The following PFKFB3 variants were observed in gnomAD, a reference collection of about 807,000 sequenced individuals.
The protein encoded by PFKFB3 is 6-phosphofructo-2-kinase/fructose-2,6-biphosphatase 3.
Under a neutral mutation model 68.0 loss-of-function variants are expected in PFKFB3, and 33 were observed. The ratio of observed to expected loss-of-function variants is 0.49; its 90% CI spans 0.37 to 0.65. The LOEUF (loss-of-function observed/expected upper bound fraction) is 0.65. PFKFB3 is among the 30% of genes least tolerant of loss of function. The pLI, the probability that PFKFB3 is intolerant of heterozygous loss-of-function variation, is 0.00. For missense variants in PFKFB3, 586 were observed against 712.2 expected, an observed-to-expected ratio of 0.82 and a Z score of 2.02; for synonymous variants, 315 against 288.2, an observed-to-expected ratio of 1.09 and a Z score of -0.94.
chr10:6,277,102 G>A, the PFKFB3 span, among the ~76,000 whole-genome samples: 1 of 152,150 alleles, frequency 6.6e-6, no homozygotes, highest in Non-Finnish European at 1.5e-5. Context: ...ATGTGATACA[G>A]TTTGGATCTG....
chr10:6,274,037 T>G, the PFKFB3 span, among the ~76,000 whole-genome samples: 10 of 151,936 alleles, frequency 6.6e-5, no homozygotes, highest in Non-Finnish European at 1.3e-4. Flanking sequence ...GAGACCTGTC[T>G]CTACAAAAAA....
In PFKFB3 at chr10:6,228,091, C is replaced by A; in HGVS notation, c.1515+1726C>A. ...TTCAGGGTGGCCAGGTTCTTAGGGA[C>A]GTCTGAAGCTGCTGGCTGGGCCGGC... On this transcript the variant is annotated intron_variant, in intron 14 of 14. Coordinates refer to ENST00000379775, the MANE Select transcript of PFKFB3 (RefSeq NM_004566.4). The surrounding 1 kb of genome is among the most constrained non-coding windows in gnomAD (Gnocchi z 4.5). The A allele has an allele frequency of 1.6e-6, 2 of 1,236,858 alleles. No individual in the cohort carries two copies. The highest frequency in any genetic ancestry group is 2.4e-6 in the Non-Finnish European group (2 of 843,926). 76.6% of individuals were successfully genotyped at this position (1,236,858 alleles called of 1,614,324 possible).
chr10:6,190,779 A>G (rs1843001746), intron 1 of PFKFB3, among the ~76,000 whole-genome samples: 1 of 152,048 alleles, frequency 6.6e-6, no homozygotes, highest in South Asian at 2.1e-4. Context: ...TCTGTGCCTC[A>G]TGTCTCTATT....
chr10:6,230,183 G>A (rs17152229), intron 14 of PFKFB3, among the ~76,000 whole-genome samples: 2,141 of 152,256 alleles, frequency 0.014, 120 homozygotes, highest in Admixed American at 0.087. Context: ...AAATACATCC[G>A]ATGGACCCAT....
rs1398805165 is a variant in PFKFB3 at position 6,221,685 on chromosome 10, C to T, written c.1023C>T (p.Tyr341=). The change falls in exon 10 of 15, where the codon TAC becomes TAT. Residue 341 remains tyrosine, a synonymous_variant. Coordinates refer to ENST00000379775, the MANE Select transcript of PFKFB3 (RefSeq NM_004566.4). ...CCTACGAGGAGATCAGGGACACCTA[C>T]CCTGAGGAGTATGCGCTGCGGGAGC... The part of the protein sequence containing the change: ...ELTYEEIRDT[Y]PEEYALREQD... The T allele has an allele frequency of 3.1e-6, 5 of 1,610,956 alleles. No homozygotes were observed. Among genetic ancestry groups the T allele is most frequent in the African/African-American group, 1.3e-5 (1 of 75,018 alleles).
At chr10:6,196,264 G>A (rs748722845) in intron 1 of PFKFB3, among the ~76,000 whole-genome samples, 6 of 151,942 alleles carry the variant, frequency 3.9e-5, no homozygotes, top group African/African-American at 9.7e-5. Flanking sequence ...CCAAGTAGCT[G>A]GGACCACAGG....
intron 6 of PFKFB3, among the ~76,000 whole-genome samples, chr10:6,217,966 C>A (rs1844699755): frequency 6.6e-6 from 1 of 152,162 alleles, no homozygotes; most frequent in Non-Finnish European, 1.5e-5. Flanking sequence ...GGATGCTAAG[C>A]ATGTGTTAGC....
downstream of PFKFB3, among the ~76,000 whole-genome samples, chr10:6,238,550 CT>C (rs200320262): frequency 0.095 from 12,743 of 134,560 alleles, 902 homozygotes; most frequent in African/African-American, 0.19. Context: ...AGAACTAAAT[CT>C]TTTTTTTTTT....
chr10:6,162,841 C>A (rs933964864), intron 1 of PFKFB3, among the ~76,000 whole-genome samples: 12 of 152,176 alleles, frequency 7.9e-5, no homozygotes, highest in African/African-American at 2.7e-4. Context: ...CTCCAAGGAT[C>A]CCTGGGTACT....
chr10:6,220,613 T>A lies in PFKFB3; in HGVS notation c.624-45T>A. On this transcript the variant is annotated intron_variant, in intron 7 of 14. Transcript: ENST00000379775. This position sits in a 1 kb window ranked among gnomAD's most constrained non-coding sequence, Gnocchi z 4.1. ...GAGACGGGCCAGGTGCATCCTGCTG[T>A]GGGTGGTGGCCTGAGCTGTGGTTCT... 1 of 1,564,926 alleles carries A rather than the reference T, an allele frequency of 6.4e-7. No individual in the cohort carries two copies. Among genetic ancestry groups the A allele is most frequent in the African/African-American group, 1.4e-5 (1 of 73,904 alleles).
chr10:6,193,916 AG>A (rs1843099182), intron 1 of PFKFB3, among the ~76,000 whole-genome samples: 1 of 152,240 alleles, frequency 6.6e-6, no homozygotes, highest in Non-Finnish European at 1.5e-5. Flanking sequence ...TCATCAGTTA[AG>A]TCGATTTTCA....
the PFKFB3 span, among the ~76,000 whole-genome samples, chr10:6,307,367 ACT>A: frequency 1.5e-5 from 2 of 133,490 alleles, no homozygotes; most frequent in African/African-American, 5.7e-5. Flanking sequence ...ACACACACAC[ACT>A]CACCCTACTG....
upstream of PFKFB3, among the ~76,000 whole-genome samples, chr10:6,199,658 A>ATT (rs143309528): frequency 0.25 from 18,942 of 75,434 alleles, 2,958 homozygotes; most frequent in East Asian, 0.37. Context: ...CTATTTTTAA[A>ATT]TTTTTTTTTT....
At position 6,242,601 on chromosome 10, in the gene PFKFB3, T is replaced by TTTC. The variant is rs199983379; in HGVS notation, c.1516-11575_1516-11574insCTT. On this transcript the variant is annotated intron_variant, in intron 14 of 14. Transcript: ENST00000640683. ...GCAGTGTTCTGTAAACATTTTTTTT[T>TTTC]TTTTGAGACGGAGTCTCGCTCTGTT... 6.7e-3 allele frequency among the ~76,000 whole-genome samples: 1,020 copies of TTTC among 152,222 alleles called. 10 individuals are homozygous for TTTC. Among genetic ancestry groups the TTTC allele is most frequent in the Middle Eastern group, 0.044 (13 of 294 alleles).
upstream of PFKFB3, among the ~76,000 whole-genome samples, chr10:6,199,773 T>G (rs1843275491): frequency 6.9e-6 from 1 of 144,870 alleles, no homozygotes; most frequent in African/African-American, 2.5e-5. Flanking sequence ...AGTGCTGGGA[T>G]TACAGGTGCG....
At chr10:6,307,510 TTTCCTTCCTTCCTTCCTTCC>T in the PFKFB3 span, among the ~76,000 whole-genome samples, 343 of 116,342 alleles carry the variant, frequency 2.9e-3, 1 homozygote, top group Middle Eastern at 7.8e-3. Flanking sequence ...TCCTTCTCTT[TTTCCTTCCTTCCTTCCTTCC>T]TTCCTTCCTT....
At chr10:6,173,712 G>T (rs1355493300) in intron 1 of PFKFB3, among the ~76,000 whole-genome samples, 1 of 151,936 alleles carries the variant, frequency 6.6e-6, no homozygotes, top group Non-Finnish European at 1.5e-5. Flanking sequence ...GAGAGAAGCA[G>T]ATCAGCTGCG....
At chr10:6,279,357 G>A in the PFKFB3 span, among the ~76,000 whole-genome samples, 1 of 152,164 alleles carries the variant, frequency 6.6e-6, no homozygotes, top group South Asian at 2.1e-4. Context: ...AAATTTGGAA[G>A]GACTGAAATG....
At chr10:6,214,366 C>T (rs771738252) in intron 2 of PFKFB3, among the ~76,000 whole-genome samples, 3 of 67,028 alleles carry the variant, frequency 4.5e-5, no homozygotes, top group Non-Finnish European at 7.8e-5. Flanking sequence ...ACACCCACAA[C>T]CCCTCCCTGT....
Sources: gnomAD v4.1 joint callset for allele counts (sites outside exome capture counted in the v4.1 genomes callset) on GRCh38, gnomAD v4.1.1 for gene constraint, Gnocchi (gnomAD v3.1) non-coding constraint, MANE v1.5 for transcripts, NCBI Gene and HGNC (gene_info 2026-07-23, HGNC 2026-07-21) for gene names.